The following SPAG16 variants were observed in gnomAD, a reference collection of about 807,000 sequenced individuals.
The protein encoded by SPAG16 is sperm associated antigen 16, also known as sperm-associated antigen 16 protein.
In SPAG16, 86 loss-of-function variants were observed where a neutral mutation model predicts 80.4. The observed-to-expected ratio is 1.07, with a 90% confidence interval of 0.90 to 1.28. SPAG16 has a LOEUF of 1.28. Ranked by LOEUF, SPAG16 falls within the 50% of genes most tolerant of loss-of-function variation. The probability of loss-of-function intolerance (pLI) is 0.00; values close to 1 mark genes in which losing one functional copy is unlikely to be tolerated. For missense variants in SPAG16, 870 were observed against 765.3 expected (o/e 1.14, Z -1.61); for synonymous variants, 294 against 265.9 (o/e 1.11, Z -1.03).
At position 214,224,147 on chromosome 2, in the gene SPAG16, T is replaced by A. The variant is rs80141553; in HGVS notation, c.1720+74881T>A. ...TTTCTGCTCTTCTTCCCAGGGGCAATGGAAAACCATTCAAACAATGTAATT... is the reference window on the plus strand; with the variant it reads ...TTTCTGCTCTTCTTCCCAGGGGCAAAGGAAAACCATTCAAACAATGTAATT... On this transcript the variant is annotated intron_variant, in intron 15 of 15. Coordinates refer to ENST00000331683, the MANE Select transcript of SPAG16 (RefSeq NM_024532.5). Among the ~76,000 whole-genome samples the A allele has an allele frequency of 8.8e-3, 1,335 of 152,284 alleles. 20 individuals carry two copies. Among genetic ancestry groups the A allele is most frequent in the African/African-American group, 0.031 (1,283 of 41,550 alleles).
chr2:213,473,220 T>C (rs1575682479), intron 9 of SPAG16, among the ~76,000 whole-genome samples: 1 of 152,262 alleles, frequency 6.6e-6, no homozygotes, highest in Non-Finnish European at 1.5e-5. Context: ...CAGACTATTC[T>C]GATTGCTTCT....
intron 10 of SPAG16, among the ~76,000 whole-genome samples, chr2:213,558,430 A>C (rs1418457043): frequency 6.6e-6 from 1 of 151,848 alleles, no homozygotes; most frequent in Non-Finnish European, 1.5e-5. Context: ...AAATGTTTTA[A>C]CTACTTCTAA....
In SPAG16 at chr2:214,011,573, G is replaced by T. The variant is rs553844145; in HGVS notation, c.1401-2378G>T. On this transcript the variant is annotated intron_variant, in intron 12 of 15. Transcript: ENST00000331683. ...GCAATAGACAATATGTAAACAGACTGGCATATTCCAATAAAACTTTATTTA... is the reference window on the plus strand; with the variant it reads ...GCAATAGACAATATGTAAACAGACTTGCATATTCCAATAAAACTTTATTTA... Among the ~76,000 whole-genome samples, 34 of 152,224 alleles carry T rather than the reference G, an allele frequency of 2.2e-4. No individual in the cohort carries two copies. In the East Asian group the frequency reaches 4.6e-3, roughly 21 times the overall value.
At chr2:214,231,982 A>G (rs1688731959) in intron 15 of SPAG16, among the ~76,000 whole-genome samples, 1 of 152,040 alleles carries the variant, frequency 6.6e-6, no homozygotes, top group South Asian at 2.1e-4. Context: ...AACATATTAT[A>G]TAATTTGTTT....
intron 10 of SPAG16, among the ~76,000 whole-genome samples, chr2:213,573,303 T>C (rs1174048289): frequency 3.9e-5 from 6 of 152,260 alleles, no homozygotes; most frequent in African/African-American, 1.4e-4. Context: ...CAGATTTCAG[T>C]TTTTAATCCT....
At chr2:214,371,862 G>A (rs1699841150) in intron 15 of SPAG16, among the ~76,000 whole-genome samples, 1 of 151,520 alleles carries the variant, frequency 6.6e-6, no homozygotes, top group African/African-American at 2.4e-5. Context: ...TATATTTTTA[G>A]TAGAGACGGG....
At chr2:213,621,469 A>T (rs969663904) in intron 10 of SPAG16, among the ~76,000 whole-genome samples, 3 of 152,166 alleles carry the variant, frequency 2.0e-5, no homozygotes, top group Non-Finnish European at 4.4e-5. Flanking sequence ...TTCATGATGG[A>T]GTGGGAATTT....
At chr2:213,885,764 T>C (rs1377004515) in intron 11 of SPAG16, among the ~76,000 whole-genome samples, 1 of 152,104 alleles carries the variant, frequency 6.6e-6, no homozygotes, top group Non-Finnish European at 1.5e-5. Flanking sequence ...GTAAGAAAAA[T>C]GGCTTAATCT....
chr2:213,707,827 A>G (rs1190251703), intron 10 of SPAG16, among the ~76,000 whole-genome samples: 1 of 152,168 alleles, frequency 6.6e-6, no homozygotes, highest in African/African-American at 2.4e-5. Flanking sequence ...ACCCAAACAG[A>G]AAAGAACAAT....
intron 15 of SPAG16, among the ~76,000 whole-genome samples, chr2:214,260,422 G>A (rs977209500): frequency 2.0e-5 from 3 of 151,840 alleles, no homozygotes; most frequent in African/African-American, 7.3e-5. Context: ...AGTAAATTTG[G>A]TATCTTCTCC....
At chr2:213,560,926 C>T (rs2059581755) in intron 10 of SPAG16, among the ~76,000 whole-genome samples, 2 of 152,152 alleles carry the variant, frequency 1.3e-5, no homozygotes, top group South Asian at 4.1e-4. Context: ...TGCAGTGGCA[C>T]GATCTCGGCT....
intron 15 of SPAG16, among the ~76,000 whole-genome samples, chr2:214,365,834 CATATTCTATTATCAA>C (rs1699443437): frequency 6.6e-6 from 1 of 152,112 alleles, no homozygotes; most frequent in South Asian, 2.1e-4. Flanking sequence ...GACAGTCTGA[CATATTCTATTATCAA>C]ATTCTAAGTA....
chr2:214,298,141 T>A, intron 15 of SPAG16, among the ~76,000 whole-genome samples: 1 of 132,396 alleles, frequency 7.6e-6, no homozygotes, highest in East Asian at 2.2e-4. Flanking sequence ...CACATACACA[T>A]ACACACACAC....
chr2:213,995,466 A>G (rs1215005716), intron 12 of SPAG16, among the ~76,000 whole-genome samples: 1 of 152,218 alleles, frequency 6.6e-6, no homozygotes, highest in Non-Finnish European at 1.5e-5. Flanking sequence ...TGATGAATAC[A>G]TGTATATCCG....
chr2:213,391,170 A>G (rs2125294240), intron 9 of SPAG16, among the ~76,000 whole-genome samples: 1 of 152,270 alleles, frequency 6.6e-6, no homozygotes, highest in African/African-American at 2.4e-5. Context: ...TGGGAGGCTG[A>G]GGCAGGAGAA....
intron 11 of SPAG16, among the ~76,000 whole-genome samples, chr2:213,926,760 T>C (rs900092569): frequency 2.0e-5 from 3 of 152,202 alleles, no homozygotes; most frequent in African/African-American, 4.8e-5. Context: ...TCCTTCAGGG[T>C]ATTTGTTAAT....
At chr2:213,438,972 G>A (rs1045084918) in intron 9 of SPAG16, among the ~76,000 whole-genome samples, 1 of 152,204 alleles carries the variant, frequency 6.6e-6, no homozygotes, top group Non-Finnish European at 1.5e-5. Context: ...TTCCCTGGAT[G>A]ATAGCTGGCA....
At chr2:214,110,007 A>G (rs2053583682) in intron 14 of SPAG16, among the ~76,000 whole-genome samples, 1 of 152,324 alleles carries the variant, frequency 6.6e-6, no homozygotes, top group Non-Finnish European at 1.5e-5. Context: ...TCTAAATATT[A>G]AACTTAATAA....
chr2:214,301,408 A>G (rs1211607581), intron 15 of SPAG16, among the ~76,000 whole-genome samples: 1 of 152,116 alleles, frequency 6.6e-6, no homozygotes, highest in African/African-American at 2.4e-5. Flanking sequence ...AAATAGAACA[A>G]GATGGGGAAT....
Sources: gnomAD v4.1 joint callset for allele counts (sites outside exome capture counted in the v4.1 genomes callset) on GRCh38, gnomAD v4.1.1 for gene constraint, MANE v1.5 for transcripts, NCBI Gene and HGNC (gene_info 2026-07-23, HGNC 2026-07-21) for gene names.